Variants in PROSER1 observed in about 807,000 individuals in gnomAD.
PROSER1 encodes the protein proline and serine rich 1, also known as proline and serine-rich protein 1.
A neutral mutation model predicts 71.8 loss-of-function variants in PROSER1; 36 were observed. The ratio of observed to expected loss-of-function variants is 0.50; its 90% CI spans 0.38 to 0.66. The LOEUF (loss-of-function observed/expected upper bound fraction) is 0.66, where lower values mean the gene tolerates loss of function less well. Ranked by LOEUF, PROSER1 falls within the 30% of genes least tolerant of loss-of-function variation. The pLI is 0.00. For missense variants in PROSER1, 1,107 were observed against 1,135.0 expected (o/e 0.98, Z 0.35); for synonymous variants, 490 against 452.4 (o/e 1.08, Z -1.06).
intron 5 of PROSER1, 136 bp downstream of exon 5, chr13:39,028,091 G>A: frequency 1.8e-6 from 1 of 548,384 alleles, no homozygotes; most frequent in Non-Finnish European, 3.3e-6. Flanking sequence ...GCAGACCGCA[G>A]GGATGTTCAT....
chr13:39,036,355 G>GA (rs925748593), intron 1 of PROSER1, among the ~76,000 whole-genome samples: 2 of 152,148 alleles, frequency 1.3e-5, no homozygotes, highest in Non-Finnish European at 2.9e-5. Flanking sequence ...TTTGTAAACT[G>GA]AAATAAGCAC....
chr13:39,016,292 A>G (rs1045597867), intron 10 of PROSER1, among the ~76,000 whole-genome samples: 2 of 152,198 alleles, frequency 1.3e-5, no homozygotes. Flanking sequence ...TGTCCTCACA[A>G]TAACTCTCTG....
intron 5 of PROSER1, among the ~76,000 whole-genome samples, chr13:39,027,774 A>G (rs1386504894): frequency 6.6e-6 from 1 of 152,214 alleles, no homozygotes; most frequent in African/African-American, 2.4e-5. Context: ...AGGGTTGGAC[A>G]AGTACTATTT....
At chr13:39,012,339 C>A (rs1869705280) in intron 11 of PROSER1, 106 bp from the exon 12 acceptor site, 2 of 1,252,836 alleles carry the variant, frequency 1.6e-6, no homozygotes, top group South Asian at 1.3e-5. Flanking sequence ...AAAACAAAAA[C>A]CTTAGAATTT....
At position 39,013,626 on chromosome 13, in the gene PROSER1, C is replaced by T. The variant is rs35453341; in HGVS notation, c.1626G>A (p.Pro542=). The change falls in exon 11 of 13, where the codon CCG becomes CCA. Residue 542 remains proline, a synonymous_variant. Coordinates refer to ENST00000352251, the MANE Select transcript of PROSER1 (RefSeq NM_025138.5). The part of the protein sequence containing the change: ...TPGLALFPGL[P]SPVANSTSTP... ...TGGAAGTTGAGTTAGCCACGGGAGA[C>T]GGCAGGCCTGGGAACAGGGCCAACC... 14,703 of 1,614,048 alleles carry T rather than the reference C, an allele frequency of 9.1e-3. 91 individuals carry two copies. Among genetic ancestry groups the T allele is most frequent in the Admixed American group, 0.012 (706 of 60,022 alleles).
rs762961481 is a variant in PROSER1, at chr13:39,023,090, G to A, written c.605C>T (p.Pro202Leu). 3 of 1,613,052 alleles carry A rather than the reference G, an allele frequency of 1.9e-6. No homozygotes were observed. The highest frequency in any genetic ancestry group is 2.5e-6 in the Non-Finnish European group (3 of 1,179,284). Residue 202 changes from proline (P) to leucine (L), a missense_variant, in exon 8 of 13, where the codon CCG (proline) becomes CTG (leucine). By Grantham distance (98) the Pro-to-Leu change is moderately conservative. Coordinates refer to ENST00000352251, the MANE Select transcript of PROSER1 (RefSeq NM_025138.5). The part of the protein sequence containing the change: ...TYNPHKPVPY[P>L]IPPCRPHATI... ...TGCATGTGGTCGGCATGGAGGTATCGGATAAGGAACAGGTTTATGTGGATT... is the reference window on the plus strand; with the variant it reads ...TGCATGTGGTCGGCATGGAGGTATCAGATAAGGAACAGGTTTATGTGGATT...
At chr13:39,036,242 G>A (rs1180189907) in intron 1 of PROSER1, among the ~76,000 whole-genome samples, 1 of 152,158 alleles carries the variant, frequency 6.6e-6, no homozygotes, top group Non-Finnish European at 1.5e-5. Flanking sequence ...AGAATGTTCA[G>A]TATTATCAAA....
chr13:39,023,262 G>T, intron 7 of PROSER1, 132 bp from the exon 8 acceptor site: 1 of 612,552 alleles, frequency 1.6e-6, no homozygotes, highest in Non-Finnish European at 2.9e-6. Context: ...GACTACATGG[G>T]ACAACAAATG....
At chr13:39,022,165 T>C (rs1870321269) in intron 9 of PROSER1, among the ~76,000 whole-genome samples, 161 bp downstream of exon 9, 1 of 152,206 alleles carries the variant, frequency 6.6e-6, no homozygotes, top group Non-Finnish European at 1.5e-5. Context: ...CCATCAAGAC[T>C]ATGAAAACTG....
chr13:39,019,108 C>G (rs551181433), intron 9 of PROSER1, among the ~76,000 whole-genome samples: 5 of 152,076 alleles, frequency 3.3e-5, no homozygotes, highest in African/African-American at 1.2e-4. Flanking sequence ...ATCAAACAAA[C>G]AGAAGAAACA....
At chr13:39,015,575 T>C (rs1011379268) in intron 10 of PROSER1, among the ~76,000 whole-genome samples, 2 of 152,066 alleles carry the variant, frequency 1.3e-5, no homozygotes, top group Admixed American at 6.6e-5. Context: ...ATGCTACTCA[T>C]AGATGGGAAG....
chr13:39,014,229 T>C lies in PROSER1; in HGVS notation c.1023A>G (p.Ser341=). Residue 341 remains serine (S), a synonymous_variant, in exon 11 of 13, where the codon TCA becomes TCG. Transcript: ENST00000352251. Reference sequence around the variant, plus strand: ...TGGATGTAACAGGTGCAGTGGGCAATGAAGGGGTTCTGATAACTGTTGGGT... The same window carrying C: ...TGGATGTAACAGGTGCAGTGGGCAACGAAGGGGTTCTGATAACTGTTGGGT... The part of the protein sequence containing the change: ...IPNPTVIRTP[S]LPTAPVTSIH... 2.5e-6 allele frequency: 4 copies of C among 1,614,118 alleles called. No individual in the cohort carries two copies. Among genetic ancestry groups the C allele is most frequent in the Middle Eastern group, 1.6e-4 (1 of 6,062 alleles).
chr13:39,020,710 G>A (rs1870249099), intron 9 of PROSER1, among the ~76,000 whole-genome samples: 1 of 152,180 alleles, frequency 6.6e-6, no homozygotes, highest in African/African-American at 2.4e-5. Context: ...TGTTGAAAGG[G>A]TGTGAAGAAA....
chr13:39,012,422 T>C (rs1869708278), intron 11 of PROSER1, 189 bp from the exon 12 acceptor site: 1 of 687,554 alleles, frequency 1.5e-6, no homozygotes, highest in East Asian at 2.7e-5. Flanking sequence ...AGTATATTAT[T>C]CGAAATTCAG....
In PROSER1 at chr13:39,012,758, G is replaced by A. The variant is rs771038527; in HGVS notation, c.2494C>T (p.Pro832Ser). Residue 832 changes from proline to serine, a missense_variant, in exon 11 of 13, where the codon CCA becomes TCA. Coordinates refer to ENST00000352251, the MANE Select transcript of PROSER1 (RefSeq NM_025138.5). The stretch of plus-strand genomic sequence containing the variant: ...GCTGAGGCGAATCCTGGGAGGACTG[G>A]AGCTGGGGATGGGGCTGTGGCAGCC... Reference protein sequence around the residue: ...PVAATAPSPAPVLPGFASAFS... With the variant: ...PVAATAPSPASVLPGFASAFS... 11 of 1,613,586 alleles carry A rather than the reference G, an allele frequency of 6.8e-6. No homozygotes were observed. Among genetic ancestry groups the A allele is most frequent in the Non-Finnish European group, 9.3e-6 (11 of 1,179,700 alleles).
At chr13:39,029,791 C>T (rs1870746365) in intron 3 of PROSER1, among the ~76,000 whole-genome samples, 1 of 151,968 alleles carries the variant, frequency 6.6e-6, no homozygotes, top group East Asian at 1.9e-4. Flanking sequence ...CAGATCAGTG[C>T]TTCCATGATG....
In PROSER1 at chr13:39,037,300, T is replaced by A; in HGVS notation, c.-58A>T. The A allele has an allele frequency of 8.0e-7, 1 of 1,251,632 alleles. No individual in the cohort carries two copies. Among genetic ancestry groups the A allele is most frequent in the Non-Finnish European group, 1.2e-6 (1 of 849,548 alleles). The allele number at this position is 1,251,632 out of a possible 1,614,324, so 77.5% of individuals were successfully genotyped here. A position where few individuals can be genotyped will look rare whatever the true frequency, so the allele number is the denominator to read the frequency against. On this transcript the variant is annotated 5_prime_UTR_variant, in exon 1 of 13. It removes an upstream start codon present in the reference 5' UTR. Transcript: ENST00000352251. Reference sequence around the variant, plus strand: ...TATACTTGCAATTAAAAGACGTTCATCCCTGGTCTGCTCCGCCGATAGTAA... The same window carrying A: ...TATACTTGCAATTAAAAGACGTTCAACCCTGGTCTGCTCCGCCGATAGTAA...
chr13:39,029,445 G>T, intron 3 of PROSER1, 70 bp from the exon 4 acceptor site: 1 of 824,790 alleles, frequency 1.2e-6, no homozygotes, highest in Non-Finnish European at 1.9e-6. Flanking sequence ...TTTTCTGGAA[G>T]TACAGTTAAA....
chr13:39,017,208 A>C (rs1566023439), intron 10 of PROSER1, among the ~76,000 whole-genome samples: 2 of 152,242 alleles, frequency 1.3e-5, no homozygotes, highest in Non-Finnish European at 2.9e-5. Flanking sequence ...GTATCACAGA[A>C]TGTAAAGTGA....
Sources: gnomAD v4.1 joint callset for allele counts (sites outside exome capture counted in the v4.1 genomes callset) on GRCh38, gnomAD v4.1.1 for gene constraint, MANE v1.5 for transcripts, NCBI Gene and HGNC (gene_info 2026-07-23, HGNC 2026-07-21) for gene names.